Variants in NCS1 observed in about 807,000 individuals in gnomAD.
NCS1 encodes the protein neuronal calcium sensor 1.
In NCS1, 6 loss-of-function variants were observed where a neutral mutation model predicts 28.4. That is an observed-to-expected ratio of 0.21 (90% CI 0.12 to 0.42). NCS1 has a LOEUF of 0.42. Ranked by LOEUF, NCS1 falls within the 10% of genes least tolerant of loss-of-function variation. The pLI is 1.00. For missense variants in NCS1, 131 were observed against 241.4 expected (o/e 0.54, Z 3.03); for synonymous variants, 86 against 99.3 (o/e 0.87, Z 0.79).
rs1832598096 is a variant in NCS1, at chr9:130,177,951, G to C, written c.64+5224G>C. Among the ~76,000 whole-genome samples the C allele has an allele frequency of 6.6e-6, 1 of 152,210 alleles. No individual in the cohort carries two copies. The highest frequency in any genetic ancestry group is 6.6e-5 in the Admixed American group (1 of 15,266). On this transcript the variant is annotated intron_variant, in intron 1 of 7. Transcript: ENST00000372398. This position sits in a 1 kb window ranked among gnomAD's most constrained non-coding sequence, Gnocchi z 4.4. ...TCTGGAAAATGGGCAGTTTTGGAAG[G>C]CCTCAGTGTTGAGGAGGATTCGGGG...
chr9:130,176,663 G>C (rs1362434537), intron 1 of NCS1, among the ~76,000 whole-genome samples: 2 of 152,192 alleles, frequency 1.3e-5, no homozygotes, highest in Non-Finnish European at 2.9e-5. Context: ...ATCCCAGCAG[G>C]GGCCTGCTCT....
At chr9:130,228,915 C>T (rs1833456631) in intron 7 of NCS1, among the ~76,000 whole-genome samples, 1 of 151,998 alleles carries the variant, frequency 6.6e-6, no homozygotes, top group African/African-American at 2.4e-5. Flanking sequence ...GGTGATCCAC[C>T]CACCTCAGCC....
At chr9:130,188,073 G>A (rs372485219) in intron 1 of NCS1, among the ~76,000 whole-genome samples, 1 of 152,240 alleles carries the variant, frequency 6.6e-6, no homozygotes, top group African/African-American at 2.4e-5. Flanking sequence ...GGGTGCCCCC[G>A]TTATTAGCCC....
rs1403733987 is a variant in NCS1, at chr9:130,180,916, C to T, written c.64+8189C>T. ...TGGCCGGATTGTTCTGTGTCTGGCT[C>T]CTGGCTTGGTGAGTTGGGGAGGGAG... On this transcript the variant is annotated intron_variant, in intron 1 of 7. Transcript: ENST00000372398. The surrounding 1 kb of genome is among the most constrained non-coding windows in gnomAD (Gnocchi z 4.5). Among the ~76,000 whole-genome samples, 1 of 152,150 alleles carries T rather than the reference C, an allele frequency of 6.6e-6. No individual in the cohort carries two copies. The highest frequency in any genetic ancestry group is 6.5e-5 in the Admixed American group (1 of 15,268).
chr9:130,218,095 T>TGTCAGTATGC, intron 3 of NCS1, 125 bp downstream of exon 3: 3 of 1,247,462 alleles, frequency 2.4e-6, no homozygotes, highest in Non-Finnish European at 3.5e-6. Context: ...CACGAGTGCA[T>TGTCAGTATGC]ACTGACATGC....
At chr9:130,202,346 TC>T (rs1186193691) in intron 2 of NCS1, among the ~76,000 whole-genome samples, 7 of 78,648 alleles carry the variant, frequency 8.9e-5, no homozygotes, top group Admixed American at 8.2e-4. Flanking sequence ...TCCTCGCCCC[TC>T]CCCCCCACCC....
Position 130,226,440 on chromosome 9 carries a change from G to T in NCS1, c.526G>T (p.Asp176Tyr). ...LQEFQEGSKA[D>Y]PSIVQALSLY... is the part of the protein sequence containing the mutation. ...GGAGTTCCAGGAGGGTTCCAAGGCA[G>T]ACCCGTCCATTGTGCAGGCGCTGTC... The change falls in exon 7 of 8, where the codon GAC becomes TAC. Residue 176 changes from aspartate to tyrosine, a missense_variant. This residue lies in a region of NCS1 where 100 missense variants were observed against 210.3 expected (regional missense o/e 0.48). Coordinates refer to ENST00000372398, the MANE Select transcript of NCS1 (RefSeq NM_014286.4). The surrounding 1 kb of genome is among the most constrained non-coding windows in gnomAD (Gnocchi z 4.8). The T allele has an allele frequency of 6.2e-7, 1 of 1,614,154 alleles. No homozygotes were observed. Among genetic ancestry groups the T allele is most frequent in the East Asian group, 2.2e-5 (1 of 44,870 alleles).
At chr9:130,212,646 G>C (rs971178073) in intron 2 of NCS1, among the ~76,000 whole-genome samples, 1 of 151,616 alleles carries the variant, frequency 6.6e-6, no homozygotes, top group Non-Finnish European at 1.5e-5. Context: ...TGGCGGCAGC[G>C]TGTCTGAAGG....
chr9:130,192,840 G>T lies in NCS1; in HGVS notation c.65-8118G>T, dbSNP rs915477082. Among the ~76,000 whole-genome samples the T allele has an allele frequency of 2.0e-5, 3 of 152,194 alleles. No individual in the cohort carries two copies. The East Asian group carries it at 5.8e-4, about 29-fold the overall frequency. On this transcript the variant is annotated intron_variant, in intron 1 of 7. Coordinates refer to ENST00000372398, the MANE Select transcript of NCS1 (RefSeq NM_014286.4). This position sits in a 1 kb window ranked among gnomAD's most constrained non-coding sequence, Gnocchi z 4.8. ...AGCCCTCGAGTGTAGCAGGACCCCAGTGGGAACCCCACAGGTGTTTCACTC... is the reference window on the plus strand; with the variant it reads ...AGCCCTCGAGTGTAGCAGGACCCCATTGGGAACCCCACAGGTGTTTCACTC...
rs371645415 is a variant in NCS1 at position 130,212,020 on chromosome 9, G to A, written c.90-5812G>A. Among the ~76,000 whole-genome samples, 396 of 144,828 alleles carry A rather than the reference G, an allele frequency of 2.7e-3. 6 individuals are homozygous for A. Among genetic ancestry groups the A allele is most frequent in the African/African-American group, 9.1e-3 (373 of 41,002 alleles). On this transcript the variant is annotated intron_variant, in intron 2 of 7. Transcript: ENST00000372398. ...TGGAGTCAGGCAGGTGGGGAGGAGG[G>A]GGAAGGGCAGACCATGTGGAAGACA...
At chr9:130,195,632 C>G (rs544563772) in intron 1 of NCS1, among the ~76,000 whole-genome samples, 1 of 152,338 alleles carries the variant, frequency 6.6e-6, no homozygotes, top group African/African-American at 2.4e-5. Context: ...CCATGTTGGC[C>G]AGGCTGGTCT....
chr9:130,205,537 G>GAAAAA (rs1194053393), intron 2 of NCS1, among the ~76,000 whole-genome samples: 1 of 115,178 alleles, frequency 8.7e-6, no homozygotes, highest in Non-Finnish European at 1.7e-5. Flanking sequence ...TCGTCTCTTA[G>GAAAAA]AAAAAAAAAA....
intron 1 of NCS1, among the ~76,000 whole-genome samples, chr9:130,193,316 G>A (rs1832840292): frequency 1.3e-5 from 2 of 152,112 alleles, no homozygotes; most frequent in South Asian, 4.1e-4. Flanking sequence ...TAGGAGGGGA[G>A]GAATGTGACC....
intron 1 of NCS1, among the ~76,000 whole-genome samples, chr9:130,173,116 G>A (rs1832511010): frequency 1.3e-5 from 2 of 152,236 alleles, no homozygotes; most frequent in Non-Finnish European, 1.5e-5. Context: ...CGAGCGCGCG[G>A]GGCTGGTGAT....
chr9:130,221,244 G>A (rs1009803363), intron 4 of NCS1, among the ~76,000 whole-genome samples: 8 of 147,388 alleles, frequency 5.4e-5, no homozygotes, highest in Non-Finnish European at 1.1e-4. Context: ...GGCTGGTCTC[G>A]AACTCCTGAC....
intron 1 of NCS1, among the ~76,000 whole-genome samples, chr9:130,199,528 G>A (rs36036591): frequency 0.071 from 10,848 of 152,278 alleles, 477 homozygotes; most frequent in Middle Eastern, 0.12. Flanking sequence ...TGGCTGCCTG[G>A]TTCTGAGCCA....
chr9:130,204,374 G>C, intron 2 of NCS1, among the ~76,000 whole-genome samples: 1 of 152,098 alleles, frequency 6.6e-6, no homozygotes, highest in East Asian at 1.9e-4. Context: ...CTGCAGCCTT[G>C]ACCTCCTGGG....
intron 2 of NCS1, among the ~76,000 whole-genome samples, chr9:130,210,079 G>C (rs1554908569): frequency 6.6e-6 from 1 of 152,090 alleles, no homozygotes; most frequent in African/African-American, 2.4e-5. Flanking sequence ...GTACGTCCCC[G>C]CCCATGTACT....
At chr9:130,231,518 G>A (rs1833501538) in intron 7 of NCS1, among the ~76,000 whole-genome samples, 2 of 151,718 alleles carry the variant, frequency 1.3e-5, no homozygotes, top group African/African-American at 4.8e-5. Context: ...TGAGTAGCTG[G>A]GATTACAGGC....
Sources: gnomAD v4.1 joint callset for allele counts (sites outside exome capture counted in the v4.1 genomes callset) on GRCh38, gnomAD v4.1.1 for gene constraint, gnomAD v4.1.1 regional missense constraint, Gnocchi (gnomAD v3.1) non-coding constraint, MANE v1.5 for transcripts, NCBI Gene and HGNC (gene_info 2026-07-23, HGNC 2026-07-21) for gene names.